MOB3B: variants seen among roughly 807,000 people sequenced by gnomAD.
The protein encoded by MOB3B is MOB kinase activator 3B.
In MOB3B, 7 loss-of-function variants were observed where a neutral mutation model predicts 18.7. That is an observed-to-expected ratio of 0.37 (90% CI 0.21 to 0.70). MOB3B has a LOEUF of 0.70. MOB3B is among the 30% of genes least tolerant of loss of function. The pLI is 0.52. For synonymous variants in MOB3B, 111 were observed against 99.9 expected (o/e 1.11, Z -0.66); for missense variants, 253 against 281.3 (o/e 0.90, Z 0.72).
chr9:27,462,937 G>A (rs1819316718), intron 1 of MOB3B, among the ~76,000 whole-genome samples: 2 of 152,190 alleles, frequency 1.3e-5, no homozygotes, highest in African/African-American at 4.8e-5. Context: ...AGTTTGACAG[G>A]GGATAGGTAA....
intron 1 of MOB3B, among the ~76,000 whole-genome samples, chr9:27,527,654 T>C (rs186731773): frequency 1.3e-5 from 2 of 152,340 alleles, no homozygotes; most frequent in East Asian, 3.9e-4. Context: ...AAAGTGTAAT[T>C]GAGCTTCCTT....
At chr9:27,392,067 T>C (rs950470153) in intron 2 of MOB3B, among the ~76,000 whole-genome samples, 1 of 152,172 alleles carries the variant, frequency 6.6e-6, no homozygotes, top group African/African-American at 2.4e-5. Flanking sequence ...TATCCCCATA[T>C]AAGCAGCATC....
chr9:27,383,453 A>G (rs1442055847), intron 2 of MOB3B, among the ~76,000 whole-genome samples: 2 of 152,190 alleles, frequency 1.3e-5, no homozygotes, highest in African/African-American at 4.8e-5. Flanking sequence ...TGGGAGTTCA[A>G]ACTCAGGCTC....
At chr9:27,527,721 C>G (rs1003446627) in intron 1 of MOB3B, among the ~76,000 whole-genome samples, 1 of 152,236 alleles carries the variant, frequency 6.6e-6, no homozygotes, top group Non-Finnish European at 1.5e-5. Context: ...AAGTCAACTG[C>G]AAGGCTATGG....
chr9:27,411,600 T>C (rs560603862), intron 2 of MOB3B, among the ~76,000 whole-genome samples: 51 of 152,256 alleles, frequency 3.3e-4, no homozygotes, highest in African/African-American at 1.2e-3. Flanking sequence ...GTCTTCTAAA[T>C]GAACTGACAG....
At chr9:27,362,284 G>A (rs1427760694) in intron 2 of MOB3B, among the ~76,000 whole-genome samples, 8 of 152,084 alleles carry the variant, frequency 5.3e-5, no homozygotes, top group Non-Finnish European at 1.0e-4. Flanking sequence ...TACAGCTTAT[G>A]TAGCCTATGT....
At chr9:27,388,894 A>G (rs1821687083) in intron 2 of MOB3B, among the ~76,000 whole-genome samples, 1 of 151,984 alleles carries the variant, frequency 6.6e-6, no homozygotes, top group African/African-American at 2.4e-5. Flanking sequence ...TCCTAAATTC[A>G]TCTTGAAAGT....
At position 27,393,702 on chromosome 9, in the gene MOB3B, T is replaced by G. The variant is rs116321835; in HGVS notation, c.419-34466A>C. ...AAGCAGTGTACAGACTTGGCCACAT[T>G]TTATTCCTCACAACAAACCTTCGAT... On this transcript the variant is annotated intron_variant, in intron 2 of 3. Transcript: ENST00000262244. 6.5e-3 allele frequency among the ~76,000 whole-genome samples: 994 copies of G among 152,262 alleles called. 19 individuals are homozygous for G. Among genetic ancestry groups the G allele is most frequent in the African/African-American group, 0.022 (923 of 41,546 alleles).
chr9:27,368,466 A>G, intron 2 of MOB3B, among the ~76,000 whole-genome samples: 1 of 151,990 alleles, frequency 6.6e-6, no homozygotes, highest in Non-Finnish European at 1.5e-5. Flanking sequence ...GATTCCTCTT[A>G]GCAGATGTTT....
chr9:27,460,776 G>T (rs747631087), intron 1 of MOB3B, among the ~76,000 whole-genome samples: 6 of 152,184 alleles, frequency 3.9e-5, no homozygotes, highest in Admixed American at 6.5e-5. Context: ...GAAACACCCC[G>T]CATGAAGGAG....
intron 1 of MOB3B, among the ~76,000 whole-genome samples, chr9:27,465,920 C>T (rs1819376695): frequency 6.6e-6 from 1 of 152,174 alleles, no homozygotes; most frequent in South Asian, 2.1e-4. Flanking sequence ...ACCACTTTTT[C>T]CTGCTGGGCC....
chr9:27,343,765 C>T (rs1015549636), intron 3 of MOB3B, among the ~76,000 whole-genome samples: 1 of 141,416 alleles, frequency 7.1e-6, no homozygotes, highest in African/African-American at 2.7e-5. Flanking sequence ...CTGCGGTTTG[C>T]TCTCAATATA....
chr9:27,464,219 G>C (rs774782371), intron 1 of MOB3B, among the ~76,000 whole-genome samples: 1 of 152,142 alleles, frequency 6.6e-6, no homozygotes, highest in Non-Finnish European at 1.5e-5. Flanking sequence ...GGAGGTGGTA[G>C]GGGTGGGGGG....
intron 1 of MOB3B, among the ~76,000 whole-genome samples, chr9:27,517,926 C>T (rs181292837): frequency 9.5e-4 from 144 of 152,192 alleles, no homozygotes; most frequent in African/African-American, 2.8e-3. Flanking sequence ...AGGCTACCTG[C>T]GGGGAGGGAT....
intron 2 of MOB3B, among the ~76,000 whole-genome samples, chr9:27,390,930 G>T (rs191184740): frequency 9.2e-5 from 14 of 152,240 alleles, no homozygotes; most frequent in Non-Finnish European, 2.1e-4. Context: ...GAAACTGGCA[G>T]TCTACACCAG....
intron 1 of MOB3B, among the ~76,000 whole-genome samples, chr9:27,521,711 A>G (rs1280094511): frequency 6.6e-6 from 1 of 151,516 alleles, no homozygotes; most frequent in Non-Finnish European, 1.5e-5. Flanking sequence ...TGTGTGTGTA[A>G]TTATAAGTAT....
chr9:27,410,082 TTTATG>T (rs1324412652), intron 2 of MOB3B, among the ~76,000 whole-genome samples: 1 of 152,200 alleles, frequency 6.6e-6, no homozygotes, highest in Non-Finnish European at 1.5e-5. Context: ...AATGGTAAGT[TTTATG>T]TTATATTTAT....
At chr9:27,331,596 G>T (rs1820791096) in intron 3 of MOB3B, among the ~76,000 whole-genome samples, 1 of 152,206 alleles carries the variant, frequency 6.6e-6, no homozygotes, top group Non-Finnish European at 1.5e-5. Context: ...TGTAGCCCCT[G>T]CCCCTGGCAC....
At chr9:27,374,583 C>T (rs980915860) in intron 2 of MOB3B, among the ~76,000 whole-genome samples, 8 of 152,018 alleles carry the variant, frequency 5.3e-5, no homozygotes, top group African/African-American at 1.4e-4. Context: ...ACAGAGGTGA[C>T]TAAAGCAATG....
Sources: allele counts gnomAD v4.1 joint callset (sites outside exome capture counted in the v4.1 genomes callset), GRCh38; gene constraint gnomAD v4.1.1; transcripts MANE v1.5; gene names NCBI Gene and HGNC (gene_info 2026-07-23, HGNC 2026-07-21).